Variants in SYN2 observed in about 807,000 individuals in gnomAD.
SYN2 encodes the protein synapsin II.
A neutral mutation model predicts 50.9 loss-of-function variants in SYN2; 19 were observed. The ratio of observed to expected loss-of-function variants is 0.37; its 90% confidence interval spans 0.26 to 0.55. SYN2 has a LOEUF of 0.55. Ranked by LOEUF, SYN2 falls within the 20% of genes least tolerant of loss-of-function variation. The probability of loss-of-function intolerance (pLI) is 0.81; values close to 1 mark genes in which losing one functional copy is unlikely to be tolerated. For synonymous variants in SYN2, 255 were observed against 224.9 expected, an observed-to-expected ratio of 1.13 and a Z score of -1.20; for missense variants, 587 against 576.4, an observed-to-expected ratio of 1.02 and a Z score of -0.19.
intron 10 of SYN2, among the ~76,000 whole-genome samples, chr3:12,173,862 C>T (rs555035383): frequency 9.2e-5 from 14 of 152,108 alleles, no homozygotes; most frequent in South Asian, 8.3e-4. Context: ...TGCAGTGAGC[C>T]GAGATCGTAC....
chr3:12,124,947 T>C (rs971780118), intron 1 of SYN2, among the ~76,000 whole-genome samples: 5 of 152,232 alleles, frequency 3.3e-5, no homozygotes, highest in Middle Eastern at 3.2e-3. Context: ...AAGTATGTTA[T>C]ATTCTTTAAA....
intron 1 of SYN2, among the ~76,000 whole-genome samples, chr3:12,006,423 A>T (rs1161375774): frequency 6.6e-6 from 1 of 152,240 alleles, no homozygotes; most frequent in Admixed American, 6.5e-5. Flanking sequence ...GTTCATATCA[A>T]CAAGTGCTTA....
chr3:12,167,040 A>C (rs1697816645), intron 7 of SYN2, among the ~76,000 whole-genome samples, 194 bp from the exon 8 acceptor site: 1 of 152,198 alleles, frequency 6.6e-6, no homozygotes, highest in South Asian at 2.1e-4. Context: ...ACCCTTGTAG[A>C]GAGGAGGAGG....
chr3:12,182,821 G>A (rs995042821), intron 10 of SYN2, among the ~76,000 whole-genome samples: 33 of 152,332 alleles, frequency 2.2e-4, no homozygotes, highest in East Asian at 5.8e-4. Flanking sequence ...GCAGGCATGC[G>A]CACACATACA....
chr3:12,078,290 T>A (rs1695514377), intron 1 of SYN2, among the ~76,000 whole-genome samples: 1 of 152,260 alleles, frequency 6.6e-6, no homozygotes, highest in Non-Finnish European at 1.5e-5. Context: ...TTATAGTTTT[T>A]TGCTGTGCAG....
At chr3:12,044,084 A>G (rs1295304296) in intron 1 of SYN2, among the ~76,000 whole-genome samples, 2 of 151,448 alleles carry the variant, frequency 1.3e-5, no homozygotes, top group Non-Finnish European at 2.9e-5. Context: ...ATGTTAATTA[A>G]TTGTTGAATT....
chr3:12,062,348 A>G (rs760425455), intron 1 of SYN2, among the ~76,000 whole-genome samples: 4 of 152,036 alleles, frequency 2.6e-5, no homozygotes, highest in Non-Finnish European at 4.4e-5. Flanking sequence ...ACTTTTGACA[A>G]AAATTAAAAT....
chr3:12,126,256 T>C (rs536769663), intron 1 of SYN2, among the ~76,000 whole-genome samples: 2 of 152,332 alleles, frequency 1.3e-5, no homozygotes, highest in African/African-American at 4.8e-5. Context: ...CTCCTGGCCA[T>C]TGGCAAACCA....
At chr3:12,184,242 A>C in intron 11 of SYN2, 1 of 985,910 alleles carries the variant, frequency 1.0e-6, no homozygotes, top group Non-Finnish European at 1.2e-6. Context: ...GCTGATGTGC[A>C]ATATCAAAGT....
At position 12,043,329 on chromosome 3, in the gene SYN2, C is replaced by T. The variant is rs553168394; in HGVS notation, c.377+38401C>T. 3.9e-3 allele frequency among the ~76,000 whole-genome samples: 589 copies of T among 152,104 alleles called. 1 individual carries two copies. The highest frequency in any genetic ancestry group is 0.027 in the Middle Eastern group (8 of 294). Reference sequence around the variant, plus strand: ...GGTGTGAACTACTGGTGCCCAGCTGCTTTTTTTTCCTCTCCTAATTTCACT... The same window carrying T: ...GGTGTGAACTACTGGTGCCCAGCTGTTTTTTTTTCCTCTCCTAATTTCACT... On this transcript the variant is annotated intron_variant, in intron 1 of 12. Coordinates refer to ENST00000621198, the MANE Select transcript of SYN2 (RefSeq NM_133625.6).
At chr3:12,061,439 A>G (rs899896469) in intron 1 of SYN2, among the ~76,000 whole-genome samples, 9 of 152,160 alleles carry the variant, frequency 5.9e-5, no homozygotes, top group African/African-American at 2.2e-4. Flanking sequence ...AAAAAAGCCT[A>G]TATTGTACTT....
At chr3:12,163,681 T>A (rs1290919900) in intron 7 of SYN2, among the ~76,000 whole-genome samples, 1 of 151,938 alleles carries the variant, frequency 6.6e-6, no homozygotes, top group East Asian at 1.9e-4. Context: ...AGGCATAGAA[T>A]TTTTTTTTAC....
chr3:12,108,055 A>G (rs1381353566), intron 1 of SYN2, among the ~76,000 whole-genome samples: 1 of 152,090 alleles, frequency 6.6e-6, no homozygotes, highest in East Asian at 1.9e-4. Flanking sequence ...TACAAAAAAT[A>G]AAACATTAGC....
At chr3:12,165,387 T>C (rs960650683) in intron 7 of SYN2, 2 of 152,232 alleles carry the variant, frequency 1.3e-5, no homozygotes, top group East Asian at 3.8e-4. Context: ...GTTCTACTAC[T>C]GAGACTTCTC....
chr3:12,058,702 G>A (rs1408017648), intron 1 of SYN2, among the ~76,000 whole-genome samples: 2 of 152,176 alleles, frequency 1.3e-5, no homozygotes, highest in Non-Finnish European at 2.9e-5. Flanking sequence ...GGGAGCATGG[G>A]TACTAGAGAT....
intron 1 of SYN2, among the ~76,000 whole-genome samples, chr3:12,062,879 C>T (rs749138518): frequency 1.3e-5 from 2 of 151,966 alleles, no homozygotes; most frequent in Non-Finnish European, 2.9e-5. Context: ...AACATCCAGA[C>T]AGTAGAATAT....
At chr3:12,139,740 AC>A (rs1696973968) in intron 1 of SYN2, among the ~76,000 whole-genome samples, 1 of 152,224 alleles carries the variant, frequency 6.6e-6, no homozygotes, top group African/African-American at 2.4e-5. Context: ...AATTTCAAGC[AC>A]TGGAAAAGCA....
In SYN2 at chr3:12,145,822, A is replaced by G; in HGVS notation, c.671A>G (p.Asp224Gly). The change falls in exon 4 of 13, where the codon GAC becomes GGC. Residue 224 changes from aspartate (D) to glycine (G), a missense_variant. Coordinates refer to ENST00000621198, the MANE Select transcript of SYN2 (RefSeq NM_133625.6). ...CTGGAATCCATATACAACTTCTGTG[A>G]CAAGCCATGGGTGGTGAGTGAGGCC... ...NSLESIYNFCDKPWVFAQLVA... is the reference protein window; with the variant it reads ...NSLESIYNFCGKPWVFAQLVA... The G allele has an allele frequency of 1.2e-6, 2 of 1,613,962 alleles. No homozygotes were observed. The highest frequency in any genetic ancestry group is 1.7e-6 in the Non-Finnish European group (2 of 1,179,868).
At chr3:12,039,225 C>G (rs1268700243) in intron 1 of SYN2, among the ~76,000 whole-genome samples, 2 of 151,946 alleles carry the variant, frequency 1.3e-5, no homozygotes, top group East Asian at 1.9e-4. Context: ...TATGTTGAAC[C>G]AACATTGTAT....
Sources: gnomAD v4.1 joint callset for allele counts (sites outside exome capture counted in the v4.1 genomes callset) on GRCh38, gnomAD v4.1.1 for gene constraint, MANE v1.5 for transcripts, NCBI Gene and HGNC (gene_info 2026-07-23, HGNC 2026-07-21) for gene names.